Variants in MSH3 observed in about 807,000 individuals in gnomAD.
MSH3 encodes mutS homolog 3.
MSH3 carries 106 observed loss-of-function variants against 123.3 expected under a neutral mutation model. The observed-to-expected ratio is 0.86, with a 90% CI of 0.73 to 1.01. The LOEUF is 1.01. Among genes scored for constraint, MSH3 ranks in the 50% least tolerant of loss-of-function variants. The pLI is 0.00. For missense variants in MSH3, 1,459 were observed against 1,347.6 expected, an observed-to-expected ratio of 1.08 and a Z score of -1.29; for synonymous variants, 515 against 481.4, an observed-to-expected ratio of 1.07 and a Z score of -0.91.
At chr5:80,742,003 C>CTT (rs565490803) in intron 11 of MSH3, among the ~76,000 whole-genome samples, 38 of 144,900 alleles carry the variant, frequency 2.6e-4, no homozygotes, top group East Asian at 8.0e-4. Flanking sequence ...TGCAAACTTT[C>CTT]TTTTTTTTTT....
At chr5:80,827,983 C>T (rs1345117491) in intron 20 of MSH3, among the ~76,000 whole-genome samples, 2 of 152,122 alleles carry the variant, frequency 1.3e-5, no homozygotes, top group Non-Finnish European at 2.9e-5. Context: ...TTACCACTGC[C>T]CCTGCACAGC....
At chr5:80,750,023 A>G (rs190696705) in intron 12 of MSH3, among the ~76,000 whole-genome samples, 12 of 149,156 alleles carry the variant, frequency 8.0e-5, no homozygotes, top group Admixed American at 1.3e-4. Context: ...GTTCATCCAT[A>G]TTGTCAAATG....
chr5:80,869,091 T>G lies in MSH3; in HGVS notation c.3131-4025T>G, dbSNP rs1034604575. Among the ~76,000 whole-genome samples, 8 of 152,294 alleles carry G rather than the reference T, an allele frequency of 5.3e-5. No homozygotes were observed. The South Asian group carries it at 1.5e-3, about 28-fold the overall frequency. On this transcript the variant is annotated intron_variant, in intron 22 of 23. Coordinates refer to ENST00000265081, the MANE Select transcript of MSH3 (RefSeq NM_002439.5). ...GGACAAACAGTTAAGAAACCTGTGT[T>G]TTAGTCTATTCCAATCTGTATGATC...
rs745392199 is a variant in MSH3, at chr5:80,741,506, T to C, written c.1611T>C (p.Ile537=). 1 of 1,608,070 alleles carries C rather than the reference T, an allele frequency of 6.2e-7. No homozygotes were observed. The highest frequency in any genetic ancestry group is 8.5e-7 in the Non-Finnish European group (1 of 1,174,476). ...CAAGTAAAATGGAATTTATGACAAT[T>C]AATGGAACAACATTAAGGAATCTGG... ...QLSSKMEFMT[I]NGTTLRNLEI... The change falls in exon 11 of 24, where the codon ATT becomes ATC. Residue 537 remains isoleucine, a synonymous_variant. Coordinates refer to ENST00000265081, the MANE Select transcript of MSH3 (RefSeq NM_002439.5).
At chr5:80,785,953 G>A (rs1407348746) in intron 17 of MSH3, among the ~76,000 whole-genome samples, 2 of 139,456 alleles carry the variant, frequency 1.4e-5, no homozygotes, top group African/African-American at 2.6e-5. Flanking sequence ...AGAACACATG[G>A]ACACAGGAAG....
chr5:80,781,600 G>A (rs1744410570), intron 17 of MSH3, among the ~76,000 whole-genome samples: 1 of 151,834 alleles, frequency 6.6e-6, no homozygotes, highest in Admixed American at 6.6e-5. Flanking sequence ...CCTAGTAGCT[G>A]GGACCACAGG....
At chr5:80,792,353 T>C (rs1029528664) in intron 18 of MSH3, among the ~76,000 whole-genome samples, 1 of 151,736 alleles carries the variant, frequency 6.6e-6, no homozygotes, top group African/African-American at 2.4e-5. Flanking sequence ...TGTGCTATGA[T>C]TGTGTCTGTG....
intron 20 of MSH3, among the ~76,000 whole-genome samples, chr5:80,847,356 A>AT (rs1451192489): frequency 2.3e-4 from 31 of 135,648 alleles, no homozygotes; most frequent in African/African-American, 8.5e-4. Context: ...ACCTGGCTGA[A>AT]TATTTTTTTT....
At chr5:80,796,072 A>C (rs1249653905) in intron 19 of MSH3, among the ~76,000 whole-genome samples, 1 of 152,114 alleles carries the variant, frequency 6.6e-6, no homozygotes, top group East Asian at 1.9e-4. Flanking sequence ...TTGAGAAAGT[A>C]ATATAAGTTA....
At chr5:80,840,789 C>G (rs949816232) in intron 20 of MSH3, among the ~76,000 whole-genome samples, 2 of 152,094 alleles carry the variant, frequency 1.3e-5, no homozygotes, top group Admixed American at 1.3e-4. Flanking sequence ...GTTCCCCGCC[C>G]TGTGCCAATG....
Position 80,678,961 on chromosome 5 carries a change from A to T in MSH3, c.1208A>T (p.Asp403Val). 6.2e-7 allele frequency: 1 copy of T among 1,614,108 alleles called. No homozygotes were observed. Among genetic ancestry groups the T allele is most frequent in the Non-Finnish European group, 8.5e-7 (1 of 1,180,004 alleles). The change falls in exon 8 of 24, where the codon GAT becomes GTT. Residue 403 changes from aspartate to valine, a missense_variant. Coordinates refer to ENST00000265081, the MANE Select transcript of MSH3 (RefSeq NM_002439.5). ...VQPATGEVVF[D>V]SFQDSASRSE... The stretch of plus-strand genomic sequence containing the variant: ...CCTGCCACAGGCGAGGTTGTGTTTG[A>T]TAGTTTCCAGGACTCTGCTTCTCGT...
At chr5:80,799,076 C>A (rs1580056905) in intron 19 of MSH3, among the ~76,000 whole-genome samples, 1 of 152,150 alleles carries the variant, frequency 6.6e-6, no homozygotes, top group Non-Finnish European at 1.5e-5. Context: ...TTTGGATAGA[C>A]CACGATTACT....
At chr5:80,658,035 C>CCTTTT (rs369384745) in intron 2 of MSH3, among the ~76,000 whole-genome samples, 934 of 87,132 alleles carry the variant, frequency 0.011, 48 homozygotes, top group Middle Eastern at 0.028. Context: ...GCTTTTTGCC[C>CCTTTT]TCTTTTTTTT....
At position 80,854,177 on chromosome 5, in the gene MSH3, A is replaced by G. The variant is rs1382292601; in HGVS notation, c.2861A>G (p.Glu954Gly). Residue 954 changes from glutamate to glycine, a missense_variant, in exon 21 of 24, where the codon GAA (glutamate) becomes GGA (glycine). Physicochemically the swap from Glu to Gly is moderately conservative, Grantham distance 98 (BLOSUM62 -2). Transcript: ENST00000265081. ...TATAAAGGACAGAGTACATTTATGG[A>G]AGAACTGACTGACACAGCAGAAATA... is the stretch of plus-strand genomic sequence containing the variant. ...NIYKGQSTFM[E>G]ELTDTAEIIR... is the part of the protein sequence containing the mutation. 4 of 1,613,828 alleles carry G rather than the reference A, an allele frequency of 2.5e-6. No homozygotes were observed. Among genetic ancestry groups the G allele is most frequent in the Non-Finnish European group, 3.4e-6 (4 of 1,179,810 alleles).
intron 12 of MSH3, among the ~76,000 whole-genome samples, chr5:80,760,438 C>T (rs946817916): frequency 4.6e-5 from 7 of 152,144 alleles, no homozygotes; most frequent in African/African-American, 1.2e-4. Context: ...TTGGTAAAAT[C>T]CCGCAGCACT....
At chr5:80,679,310 T>C (rs1020397684) in intron 8 of MSH3, among the ~76,000 whole-genome samples, 2 of 151,928 alleles carry the variant, frequency 1.3e-5, no homozygotes, top group African/African-American at 4.8e-5. Context: ...GGAGGAAGGA[T>C]TGCTTGAGCC....
chr5:80,668,793 C>T (rs1749628647), intron 3 of MSH3, among the ~76,000 whole-genome samples: 1 of 152,170 alleles, frequency 6.6e-6, no homozygotes, highest in African/African-American at 2.4e-5. Context: ...CTGCCTGCTC[C>T]CAGCCCCCAA....
intron 19 of MSH3, among the ~76,000 whole-genome samples, chr5:80,806,062 C>A (rs1181998977): frequency 6.6e-6 from 1 of 152,064 alleles, no homozygotes; most frequent in Non-Finnish European, 1.5e-5. Flanking sequence ...GTTTAATTTT[C>A]AAATTTCAGT....
intron 18 of MSH3, among the ~76,000 whole-genome samples, chr5:80,791,952 A>C (rs932384924): frequency 6.6e-6 from 1 of 152,186 alleles, no homozygotes; most frequent in Non-Finnish European, 1.5e-5. Flanking sequence ...GATAAAACAG[A>C]TATAGAGGTC....
Sources: allele counts gnomAD v4.1 joint callset (sites outside exome capture counted in the v4.1 genomes callset), GRCh38; gene constraint gnomAD v4.1.1; transcripts MANE v1.5; gene names NCBI Gene and HGNC (gene_info 2026-07-23, HGNC 2026-07-21).